ROBO2: variants seen among roughly 807,000 people sequenced by gnomAD.
The protein encoded by ROBO2 is roundabout guidance receptor 2, also known as roundabout homolog 2.
Under a neutral mutation model 160.8 loss-of-function variants are expected in ROBO2, and 53 were observed. The observed-to-expected ratio is 0.33, with a 90% CI of 0.26 to 0.41. The LOEUF (loss-of-function observed/expected upper bound fraction) is 0.41. ROBO2 is among the 10% of genes least tolerant of loss of function. The pLI is 1.00. For synonymous variants in ROBO2, 664 were observed against 611.7 expected (o/e 1.09, Z -1.26); for missense variants, 1,577 against 1,722.4 (o/e 0.92, Z 1.49).
chr3:77,542,297 C>A (rs201474454), intron 6 of ROBO2, among the ~76,000 whole-genome samples: 1 of 151,994 alleles, frequency 6.6e-6, no homozygotes, highest in Non-Finnish European at 1.5e-5. Flanking sequence ...GGTCCACCTT[C>A]AGGTGATAAT....
chr3:76,189,017 A>G (rs1701888114), intron 2 of ROBO2, among the ~76,000 whole-genome samples: 1 of 152,110 alleles, frequency 6.6e-6, no homozygotes. Context: ...CCTTTGAGGG[A>G]TCAGTTTCAG....
chr3:76,044,674 A>G (rs535632442), intron 2 of ROBO2, among the ~76,000 whole-genome samples: 1 of 152,132 alleles, frequency 6.6e-6, no homozygotes, highest in East Asian at 1.9e-4. Flanking sequence ...CATGGAGCTT[A>G]AAGCATATTG....
chr3:77,495,157 A>C (rs992785739), intron 5 of ROBO2, among the ~76,000 whole-genome samples: 2 of 152,236 alleles, frequency 1.3e-5, no homozygotes, highest in African/African-American at 4.8e-5. Context: ...TATTAATGTA[A>C]GGTGAAGAGA....
chr3:76,508,678 A>C (rs2080920275), intron 2 of ROBO2, among the ~76,000 whole-genome samples: 1 of 152,210 alleles, frequency 6.6e-6, no homozygotes, highest in Non-Finnish European at 1.5e-5. Context: ...AAGTTGCTGA[A>C]GCAAATATAG....
At chr3:77,211,733 T>C (rs1580019526) in intron 2 of ROBO2, among the ~76,000 whole-genome samples, 1 of 152,342 alleles carries the variant, frequency 6.6e-6, no homozygotes, top group South Asian at 2.1e-4. Context: ...CTTTAATCCC[T>C]CTTGAATTAA....
intron 2 of ROBO2, among the ~76,000 whole-genome samples, chr3:76,096,416 T>C (rs552123214): frequency 6.6e-6 from 1 of 152,334 alleles, no homozygotes; most frequent in East Asian, 1.9e-4. Context: ...AATTGTGCTG[T>C]TAACCCAGAG....
At chr3:75,919,397 G>T (rs748403672) in intron 1 of ROBO2, among the ~76,000 whole-genome samples, 2 of 152,116 alleles carry the variant, frequency 1.3e-5, no homozygotes, top group Non-Finnish European at 2.9e-5. Flanking sequence ...CAACTTGATC[G>T]TGGTGGATAA....
intron 2 of ROBO2, among the ~76,000 whole-genome samples, chr3:77,258,130 G>A (rs554944060): frequency 5.3e-5 from 8 of 152,206 alleles, no homozygotes; most frequent in Admixed American, 2.6e-4. Context: ...AAGTGTCAAC[G>A]TGTCAGAGTA....
chr3:76,230,699 C>G (rs1057218693), intron 2 of ROBO2, among the ~76,000 whole-genome samples: 2 of 19,950 alleles, frequency 1.0e-4, no homozygotes. Flanking sequence ...TGCCCCAACC[C>G]TCTCCTTCTC....
At chr3:77,348,051 T>A (rs1455617858) in intron 2 of ROBO2, among the ~76,000 whole-genome samples, 1 of 152,118 alleles carries the variant, frequency 6.6e-6, no homozygotes, top group African/African-American at 2.4e-5. Flanking sequence ...TACACCTTTT[T>A]TTCCTCTAAT....
chr3:77,587,144 T>G (rs895152407), intron 16 of ROBO2, among the ~76,000 whole-genome samples: 2 of 152,112 alleles, frequency 1.3e-5, no homozygotes, highest in Non-Finnish European at 2.9e-5. Flanking sequence ...TTCAGGGGTT[T>G]TGGATCTTTC....
chr3:77,559,601 C>A (rs1290628931), intron 9 of ROBO2, among the ~76,000 whole-genome samples: 1 of 151,910 alleles, frequency 6.6e-6, no homozygotes, highest in African/African-American at 2.4e-5. Context: ...CATTCTGGAG[C>A]TAAAAAGAAA....
intron 2 of ROBO2, among the ~76,000 whole-genome samples, chr3:76,276,652 A>G (rs182839321): frequency 2.1e-4 from 32 of 152,168 alleles, no homozygotes; most frequent in East Asian, 1.5e-3. Context: ...TTATTGAACA[A>G]TCACGTTGCT....
intron 2 of ROBO2, among the ~76,000 whole-genome samples, chr3:76,900,803 G>A (rs2075165373): frequency 6.6e-6 from 1 of 152,178 alleles, no homozygotes; most frequent in South Asian, 2.1e-4. Flanking sequence ...TGTATGCAGT[G>A]AGAAGCTGAG....
chr3:77,637,981 T>A (rs2095292000), intron 24 of ROBO2, among the ~76,000 whole-genome samples: 3 of 152,210 alleles, frequency 2.0e-5, no homozygotes, highest in Non-Finnish European at 4.4e-5. Flanking sequence ...TTATGTGTTA[T>A]TAGAAAATGA....
chr3:76,882,848 C>G (rs573276276), intron 2 of ROBO2, among the ~76,000 whole-genome samples: 1 of 152,270 alleles, frequency 6.6e-6, no homozygotes, highest in East Asian at 1.9e-4. Context: ...AAGCTTTAAG[C>G]TACTCCATCT....
intron 2 of ROBO2, among the ~76,000 whole-genome samples, chr3:77,231,334 G>A (rs2087165308): frequency 1.5e-5 from 2 of 130,984 alleles, no homozygotes; most frequent in African/African-American, 5.9e-5. Flanking sequence ...CTGTACTCCA[G>A]CCTGGGCAGC....
chr3:76,855,421 G>T (rs988016037), intron 2 of ROBO2, among the ~76,000 whole-genome samples: 1 of 152,122 alleles, frequency 6.6e-6, no homozygotes, highest in Non-Finnish European at 1.5e-5. Context: ...TATCGGAGAG[G>T]GTGCCGCTAA....
chr3:77,322,995 A>T (rs1173616866), intron 2 of ROBO2, among the ~76,000 whole-genome samples: 1 of 3,964 alleles, frequency 2.5e-4, no homozygotes, highest in African/African-American at 7.5e-4. Flanking sequence ...GGATAATATA[A>T]TATATTATAT....
Sources: allele counts gnomAD v4.1 joint callset (sites outside exome capture counted in the v4.1 genomes callset), GRCh38; gene constraint gnomAD v4.1.1; transcripts MANE v1.5; gene names NCBI Gene and HGNC (gene_info 2026-07-23, HGNC 2026-07-21).